The following CATSPERB variants were observed in gnomAD, a reference collection of about 807,000 sequenced individuals.
CATSPERB encodes catsper channel auxiliary subunit beta.
CATSPERB carries 93 observed loss-of-function variants against 128.3 expected under a neutral mutation model. The ratio of observed to expected loss-of-function variants is 0.72; its 90% CI spans 0.61 to 0.86. The LOEUF (loss-of-function observed/expected upper bound fraction) is 0.86, where lower values mean the gene tolerates loss of function less well. Ranked by LOEUF, CATSPERB falls within the 40% of genes least tolerant of loss-of-function variation. The probability of loss-of-function intolerance (pLI) is 0.00; values close to 1 mark genes in which losing one functional copy is unlikely to be tolerated. For missense variants in CATSPERB, 1,153 were observed against 1,329.5 expected (o/e 0.87, Z 2.06); for synonymous variants, 381 against 448.8 (o/e 0.85, Z 1.91).
chr14:91,618,824 C>T (rs535504118), intron 19 of CATSPERB, among the ~76,000 whole-genome samples: 1 of 152,272 alleles, frequency 6.6e-6, no homozygotes, highest in Admixed American at 6.5e-5. Flanking sequence ...ACCAAAGTGA[C>T]CTGGCCAGTG....
chr14:91,725,498 T>C (rs1438282258), intron 2 of CATSPERB, among the ~76,000 whole-genome samples: 1 of 152,154 alleles, frequency 6.6e-6, no homozygotes, highest in East Asian at 1.9e-4. Flanking sequence ...AATCAGCAAC[T>C]GCAGAGAAAA....
intron 5 of CATSPERB, among the ~76,000 whole-genome samples, chr14:91,716,916 C>T (rs972588960): frequency 6.6e-6 from 1 of 152,100 alleles, no homozygotes; most frequent in Non-Finnish European, 1.5e-5. Context: ...TAGCTAAATG[C>T]AACAAAAATT....
At chr14:91,618,163 A>G (rs1215158068) in intron 19 of CATSPERB, among the ~76,000 whole-genome samples, 1 of 152,114 alleles carries the variant, frequency 6.6e-6, no homozygotes, top group Non-Finnish European at 1.5e-5. Flanking sequence ...TTGCCATGGC[A>G]TTTGTAAACT....
At chr14:91,687,610 A>G (rs1595179253) in intron 10 of CATSPERB, among the ~76,000 whole-genome samples, 1 of 152,196 alleles carries the variant, frequency 6.6e-6, no homozygotes, top group Admixed American at 6.5e-5. Context: ...CACCCAGTCT[A>G]TGGTAATTTT....
chr14:91,708,374 T>G, intron 5 of CATSPERB, 138 bp from the exon 6 acceptor site: 1 of 597,954 alleles, frequency 1.7e-6, no homozygotes, highest in Non-Finnish European at 2.9e-6. Context: ...ATGTGAAATT[T>G]CATACGTTTT....
At chr14:91,723,233 A>T in intron 3 of CATSPERB, 44 bp from the exon 4 acceptor site, 1 of 1,369,158 alleles carries the variant, frequency 7.3e-7, no homozygotes, top group Non-Finnish European at 9.6e-7. Flanking sequence ...TAACCACTTG[A>T]TGCAGACACA....
intron 20 of CATSPERB, among the ~76,000 whole-genome samples, chr14:91,612,162 C>T (rs527627192): frequency 2.3e-4 from 35 of 151,884 alleles, no homozygotes; most frequent in African/African-American, 7.0e-4. Context: ...TGGGCTCAAG[C>T]GATCCTCTCA....
intron 22 of CATSPERB, among the ~76,000 whole-genome samples, chr14:91,600,419 A>C (rs903480067): frequency 6.6e-6 from 1 of 152,140 alleles, no homozygotes; most frequent in African/African-American, 2.4e-5. Context: ...CTTCTGTATT[A>C]GTCCATTCTC....
chr14:91,589,619 A>G lies in CATSPERB; in HGVS notation c.2871T>C (p.Ile957=). 1 of 1,613,988 alleles carries G rather than the reference A, an allele frequency of 6.2e-7. No individual in the cohort carries two copies. Among genetic ancestry groups the G allele is most frequent in the East Asian group, 2.2e-5 (1 of 44,878 alleles). The change falls in exon 24 of 27, where the codon ATT becomes ATC. Residue 957 remains isoleucine (I), a synonymous_variant. Coordinates refer to ENST00000256343, the MANE Select transcript of CATSPERB (RefSeq NM_024764.4). ...ATGGGACACGTCCATCCTCGTTGAT[A>G]ATTTCCAAAGAAACTGGATATTGTG... ...PITQYPVSLE[I]INEDGRVPLQ... is the part of the protein sequence containing the mutation.
chr14:91,719,601 G>T, intron 4 of CATSPERB, 123 bp from the exon 5 acceptor site: 1 of 615,740 alleles, frequency 1.6e-6, no homozygotes, highest in Non-Finnish European at 2.7e-6. Flanking sequence ...CTTTTACCTA[G>T]AAATTTCACT....
chr14:91,676,705 T>G (rs2139834897), intron 11 of CATSPERB, among the ~76,000 whole-genome samples: 1 of 152,250 alleles, frequency 6.6e-6, no homozygotes, highest in South Asian at 2.1e-4. Context: ...TAAATTAGTT[T>G]TTTCAAATTC....
intron 15 of CATSPERB, among the ~76,000 whole-genome samples, chr14:91,647,647 G>A (rs950217299): frequency 6.6e-6 from 1 of 152,128 alleles, no homozygotes; most frequent in East Asian, 1.9e-4. Flanking sequence ...GCTTATGCAG[G>A]GGAACTCCTT....
chr14:91,691,438 G>T, intron 10 of CATSPERB, 85 bp downstream of exon 10: 2 of 808,526 alleles, frequency 2.5e-6, no homozygotes, highest in Non-Finnish European at 3.8e-6. Flanking sequence ...AACTTATATT[G>T]TGAATTATTG....
At chr14:91,716,713 A>ACG (rs1895946832) in intron 5 of CATSPERB, among the ~76,000 whole-genome samples, 1 of 46,284 alleles carries the variant, frequency 2.2e-5, no homozygotes, top group African/African-American at 5.8e-5. Flanking sequence ...TTACAAGCAT[A>ACG]CACACACACA....
chr14:91,707,954 T>C (rs193011685), intron 6 of CATSPERB, among the ~76,000 whole-genome samples, 187 bp downstream of exon 6: 58 of 152,192 alleles, frequency 3.8e-4, no homozygotes, highest in African/African-American at 1.3e-3. Context: ...TTGTTAATAA[T>C]TTATCCACAT....
At chr14:91,716,882 C>T (rs1361896888) in intron 5 of CATSPERB, among the ~76,000 whole-genome samples, 4 of 152,122 alleles carry the variant, frequency 2.6e-5, no homozygotes, top group East Asian at 3.9e-4. Flanking sequence ...TACCATACAA[C>T]ACAGTAATCC....
At chr14:91,668,154 G>T (rs1028057477) in intron 14 of CATSPERB, among the ~76,000 whole-genome samples, 1 of 152,190 alleles carries the variant, frequency 6.6e-6, no homozygotes. Context: ...AGCATTTGGG[G>T]TGTCCTGTTT....
chr14:91,689,009 C>T (rs1037460822), intron 10 of CATSPERB, among the ~76,000 whole-genome samples: 1 of 152,212 alleles, frequency 6.6e-6, no homozygotes, highest in Non-Finnish European at 1.5e-5. Flanking sequence ...GTTTGTGGAG[C>T]ACCTCGAATT....
At chr14:91,584,990 T>C (rs961625141) in intron 26 of CATSPERB, among the ~76,000 whole-genome samples, 4 of 143,614 alleles carry the variant, frequency 2.8e-5, no homozygotes, top group Admixed American at 2.7e-4. Context: ...TTTCTTTCCT[T>C]TCTTCTTCTT....
Sources: gnomAD v4.1 joint callset for allele counts (sites outside exome capture counted in the v4.1 genomes callset) on GRCh38, gnomAD v4.1.1 for gene constraint, MANE v1.5 for transcripts, NCBI Gene and HGNC (gene_info 2026-07-23, HGNC 2026-07-21) for gene names.